FRMD4A: variants seen among roughly 807,000 people sequenced by gnomAD.
FRMD4A encodes the protein FERM domain-containing protein 4A.
In FRMD4A, 29 loss-of-function variants were observed where a neutral mutation model predicts 129.1. The ratio of observed to expected loss-of-function variants is 0.22; its 90% CI spans 0.17 to 0.31. FRMD4A has a LOEUF of 0.31. FRMD4A is among the 10% of genes least tolerant of loss of function. The pLI is 1.00. For missense variants in FRMD4A, 1,272 were observed against 1,375.8 expected (o/e 0.92, Z 1.19); for synonymous variants, 634 against 571.6 (o/e 1.11, Z -1.56).
chr10:14,277,871 C>T (rs1845394368), intron 2 of FRMD4A, among the ~76,000 whole-genome samples: 1 of 152,220 alleles, frequency 6.6e-6, no homozygotes, highest in Non-Finnish European at 1.5e-5. Flanking sequence ...GTCATGTCCT[C>T]CCAATGGCCT....
chr10:14,249,652 C>T (rs1268097495), intron 2 of FRMD4A, among the ~76,000 whole-genome samples: 1 of 152,190 alleles, frequency 6.6e-6, no homozygotes, highest in Non-Finnish European at 1.5e-5. Flanking sequence ...GAAAGAAATC[C>T]TCATAGATAT....
In FRMD4A at chr10:13,756,968, C is replaced by G. The variant is rs370266372; in HGVS notation, c.464+4679G>C. Among the ~76,000 whole-genome samples, 3 of 152,168 alleles carry G rather than the reference C, an allele frequency of 2.0e-5. No individual in the cohort carries two copies. In the East Asian group the frequency reaches 5.8e-4, roughly 29 times the overall value. ...TTTAAGGAAGAGAACATTAGTTTTT[C>G]TATCATAACCCAAGAGTTTTTAAAA... On this transcript the variant is annotated intron_variant, in intron 8 of 24. Transcript: ENST00000357447.
At position 13,977,872 on chromosome 10, in the gene FRMD4A, T is replaced by A. The variant is rs140957433; in HGVS notation, c.46-118960A>T. 5.4e-3 allele frequency among the ~76,000 whole-genome samples: 821 copies of A among 152,360 alleles called. 5 individuals are homozygous for A. The highest frequency in any genetic ancestry group is 0.024 in the Middle Eastern group (7 of 294). On this transcript the variant is annotated intron_variant, in intron 2 of 24. Coordinates refer to ENST00000357447, the MANE Select transcript of FRMD4A (RefSeq NM_018027.5). ...AATATTTGATTATGTGGAAAGACCA[T>A]GTTGTGTTTATCCATGCATCAGTTG...
chr10:13,860,348 C>A (rs1473892571), intron 2 of FRMD4A, among the ~76,000 whole-genome samples: 2 of 152,168 alleles, frequency 1.3e-5, no homozygotes, highest in Admixed American at 6.5e-5. Flanking sequence ...AGCATGTGTA[C>A]ATAATTTCAT....
intron 6 of FRMD4A, among the ~76,000 whole-genome samples, chr10:13,774,387 T>G (rs1233131211): frequency 6.6e-6 from 1 of 152,134 alleles, no homozygotes; most frequent in Non-Finnish European, 1.5e-5. Context: ...CAAACACCTT[T>G]CCTCGCCTTT....
At chr10:13,707,712 A>G (rs2134907035) in intron 12 of FRMD4A, 1 of 985,646 alleles carries the variant, frequency 1.0e-6, no homozygotes, top group Non-Finnish European at 1.2e-6. Context: ...AGGCAACTCA[A>G]GATCACAGTG....
chr10:13,989,131 A>AG (rs534444089), intron 2 of FRMD4A, among the ~76,000 whole-genome samples: 276 of 152,158 alleles, frequency 1.8e-3, no homozygotes, highest in Admixed American at 4.8e-3. Flanking sequence ...ACCAGGGGTG[A>AG]GGGGGGTCTC....
intron 17 of FRMD4A, among the ~76,000 whole-genome samples, chr10:13,666,559 A>G (rs2083052815): frequency 6.6e-6 from 1 of 152,166 alleles, no homozygotes; most frequent in African/African-American, 2.4e-5. Context: ...CATCGCTGAG[A>G]ACAGAGTTCC....
chr10:14,017,079 A>T (rs2095701586), intron 2 of FRMD4A, among the ~76,000 whole-genome samples: 1 of 152,224 alleles, frequency 6.6e-6, no homozygotes. Flanking sequence ...CATGAGGCCA[A>T]ATCAGGTCAT....
intron 2 of FRMD4A, among the ~76,000 whole-genome samples, chr10:14,197,564 T>C (rs1842508222): frequency 6.6e-6 from 1 of 152,142 alleles, no homozygotes; most frequent in African/African-American, 2.4e-5. Context: ...TTTCATCACA[T>C]TGACCAGGCT....
intron 2 of FRMD4A, among the ~76,000 whole-genome samples, chr10:13,994,713 T>C (rs923976527): frequency 2.6e-5 from 4 of 152,226 alleles, no homozygotes; most frequent in African/African-American, 9.6e-5. Flanking sequence ...CAGACATATG[T>C]ATTTTTTCCT....
intron 2 of FRMD4A, among the ~76,000 whole-genome samples, chr10:13,872,690 C>G (rs1444899773): frequency 1.3e-5 from 2 of 152,168 alleles, no homozygotes; most frequent in African/African-American, 4.8e-5. Flanking sequence ...CCTGGGGGAA[C>G]AGTGAGGAAA....
intron 12 of FRMD4A, among the ~76,000 whole-genome samples, chr10:13,722,333 G>C (rs1399646420): frequency 6.7e-6 from 1 of 148,920 alleles, no homozygotes; most frequent in African/African-American, 2.5e-5. Flanking sequence ...CTGGGCTCAA[G>C]TAACCCCCCC....
intron 2 of FRMD4A, among the ~76,000 whole-genome samples, chr10:14,068,336 T>A (rs1038309134): frequency 2.6e-5 from 4 of 152,192 alleles, no homozygotes; most frequent in African/African-American, 9.6e-5. Context: ...AGTGAAATGG[T>A]TATGCCTAAG....
At chr10:13,937,307 G>A (rs1402674460) in intron 2 of FRMD4A, among the ~76,000 whole-genome samples, 2 of 152,178 alleles carry the variant, frequency 1.3e-5, no homozygotes, top group African/African-American at 4.8e-5. Context: ...TGAAATAACT[G>A]TCCGCATGGA....
chr10:14,052,555 G>A (rs1272326107), intron 2 of FRMD4A, among the ~76,000 whole-genome samples: 1 of 151,856 alleles, frequency 6.6e-6, no homozygotes, highest in East Asian at 1.9e-4. Flanking sequence ...GAGGTGCCAG[G>A]CTCTTTTCTT....
At chr10:14,260,123 A>G (rs1844749631) in intron 2 of FRMD4A, among the ~76,000 whole-genome samples, 1 of 152,046 alleles carries the variant, frequency 6.6e-6, no homozygotes, top group Admixed American at 6.6e-5. Context: ...GAGGGAGAAC[A>G]TCGTGGAAAG....
intron 3 of FRMD4A, among the ~76,000 whole-genome samples, chr10:13,856,217 A>AGTGTGT (rs36225405): frequency 4.1e-5 from 6 of 145,900 alleles, no homozygotes; most frequent in Middle Eastern, 3.2e-3. Flanking sequence ...ATTTTGTGCA[A>AGTGTGT]GTGTGTGTGT....
At chr10:14,049,844 G>T (rs1031537660) in intron 2 of FRMD4A, among the ~76,000 whole-genome samples, 2 of 152,188 alleles carry the variant, frequency 1.3e-5, no homozygotes, top group African/African-American at 4.8e-5. Context: ...AACAGAGTGA[G>T]ACTCCATCTC....
Sources: allele counts gnomAD v4.1 joint callset (sites outside exome capture counted in the v4.1 genomes callset), GRCh38; gene constraint gnomAD v4.1.1; transcripts MANE v1.5; gene names NCBI Gene and HGNC (gene_info 2026-07-23, HGNC 2026-07-21).